ZNF566: variants seen among roughly 807,000 people sequenced by gnomAD.
The protein encoded by ZNF566 is zinc finger protein 566.
A neutral mutation model predicts 32.8 loss-of-function variants in ZNF566; 27 were observed. The ratio of observed to expected loss-of-function variants is 0.82; its 90% CI spans 0.61 to 1.14. ZNF566 has a LOEUF of 1.14. Ranked by LOEUF, ZNF566 falls within the 50% of genes most tolerant of loss-of-function variation. The pLI is 0.00. For synonymous variants in ZNF566, 154 were observed against 159.5 expected (o/e 0.97, Z 0.26); for missense variants, 402 against 490.4 (o/e 0.82, Z 1.70).
chr19:36,486,433 AG>A (rs1213901815), intron 1 of ZNF566, among the ~76,000 whole-genome samples: 12 of 152,164 alleles, frequency 7.9e-5, no homozygotes, highest in Non-Finnish European at 1.2e-4. Context: ...GCACTTTGGG[AG>A]GACAAGGCAG....
intron 1 of ZNF566, among the ~76,000 whole-genome samples, chr19:36,482,388 A>G (rs190557665): frequency 8.2e-4 from 121 of 148,088 alleles, no homozygotes; most frequent in Non-Finnish European, 1.5e-3. Flanking sequence ...TACAGGAGTG[A>G]GCCACTGTCC....
intron 4 of ZNF566, among the ~76,000 whole-genome samples, chr19:36,462,773 C>T (rs566211381): frequency 1.3e-4 from 20 of 150,988 alleles, no homozygotes; most frequent in East Asian, 3.9e-4. Context: ...CTGGCTAACG[C>T]GGTGAAACCC....
chr19:36,469,728 G>GT (rs1297446831), intron 4 of ZNF566, among the ~76,000 whole-genome samples: 2 of 152,084 alleles, frequency 1.3e-5, no homozygotes, highest in Non-Finnish European at 2.9e-5. Flanking sequence ...ACCAAACACT[G>GT]TGAGTGTCTG....
chr19:36,450,650 G>GATAA (rs3085977), intron 4 of ZNF566, among the ~76,000 whole-genome samples: 5,814 of 151,816 alleles, frequency 0.038, 271 homozygotes, highest in African/African-American at 0.11. Flanking sequence ...TCAATAGATA[G>GATAA]ATAAATAAAT....
rs117217578 is a variant in ZNF566, at chr19:36,489,189, C to A, written c.-60+297G>T. 7.6e-4 allele frequency among the ~76,000 whole-genome samples: 115 copies of A among 152,250 alleles called. 1 individual carries two copies. The East Asian group carries it at 0.021, about 28-fold the overall frequency. ...AGTCGCACACCACTACGGGGACAAACGCAGTAACACTCAACCAGGCACAAG... is the reference window on the plus strand; with the variant it reads ...AGTCGCACACCACTACGGGGACAAAAGCAGTAACACTCAACCAGGCACAAG... On this transcript the variant is annotated intron_variant, in intron 1 of 4. Coordinates refer to ENST00000452939, the MANE Select transcript of ZNF566 (RefSeq NM_001145344.1).
chr19:36,472,823 G>T, intron 4 of ZNF566, 88 bp downstream of exon 4: 1 of 1,065,358 alleles, frequency 9.4e-7, no homozygotes, highest in Non-Finnish European at 1.4e-6. Flanking sequence ...CAGGCCAAAA[G>T]CCTGTGAGGA....
At chr19:36,470,341 C>T (rs1186783031) in intron 4 of ZNF566, among the ~76,000 whole-genome samples, 2 of 152,160 alleles carry the variant, frequency 1.3e-5, no homozygotes, top group Non-Finnish European at 2.9e-5. Flanking sequence ...AATCTACTTT[C>T]CCCATTTCAG....
At chr19:36,469,719 C>T (rs1358150583) in intron 4 of ZNF566, among the ~76,000 whole-genome samples, 1 of 152,036 alleles carries the variant, frequency 6.6e-6, no homozygotes, top group Admixed American at 6.5e-5. Context: ...ATGAATACTA[C>T]CAAACACTGT....
intron 1 of ZNF566, among the ~76,000 whole-genome samples, chr19:36,479,782 G>A (rs147817043): frequency 4.6e-5 from 7 of 152,298 alleles, no homozygotes; most frequent in South Asian, 4.1e-4. Context: ...GTAGAAGCAC[G>A]CCATCAAGTC....
chr19:36,450,190 A>G (rs543388154), intron 4 of ZNF566, among the ~76,000 whole-genome samples, 189 bp from the exon 5 acceptor site: 126 of 152,196 alleles, frequency 8.3e-4, no homozygotes, highest in Admixed American at 1.7e-3. Context: ...TGGTTCCCAA[A>G]CATTGCTATA....
intron 1 of ZNF566, among the ~76,000 whole-genome samples, chr19:36,485,062 A>G (rs181528437): frequency 2.0e-4 from 30 of 152,220 alleles, no homozygotes; most frequent in Admixed American, 3.3e-4. Context: ...TGACACATTG[A>G]GAAGAGTTCA....
chr19:36,463,482 A>T (rs2033531253), intron 4 of ZNF566, among the ~76,000 whole-genome samples: 1 of 151,942 alleles, frequency 6.6e-6, no homozygotes, highest in South Asian at 2.1e-4. Context: ...AACATGATTT[A>T]ACGTAATAAA....
intron 4 of ZNF566, chr19:36,456,530 G>T (rs8110140): frequency 0.18 from 27,097 of 149,102 alleles, 2,666 homozygotes; most frequent in Non-Finnish European, 0.23. Context: ...TCCAGCATGA[G>T]CAACAGAGTG....
chr19:36,472,762 A>G (rs2033796806), intron 4 of ZNF566, 149 bp downstream of exon 4: 2 of 607,430 alleles, frequency 3.3e-6, no homozygotes, highest in South Asian at 5.0e-5. Context: ...GTAAAGGGGA[A>G]AGGTAGGATC....
chr19:36,471,575 G>C (rs1255307244), intron 4 of ZNF566, among the ~76,000 whole-genome samples: 1 of 152,094 alleles, frequency 6.6e-6, no homozygotes, highest in East Asian at 1.9e-4. Flanking sequence ...CATTTAGTAA[G>C]ATATGGTAAA....
chr19:36,479,292 G>C (rs891217187), intron 1 of ZNF566, among the ~76,000 whole-genome samples: 2 of 151,826 alleles, frequency 1.3e-5, no homozygotes, highest in African/African-American at 4.9e-5. Flanking sequence ...TGGTAGGAAA[G>C]AAAGAAAACT....
chr19:36,474,858 A>C (rs966013309), intron 2 of ZNF566, among the ~76,000 whole-genome samples: 1 of 152,238 alleles, frequency 6.6e-6, no homozygotes, highest in Non-Finnish European at 1.5e-5. Context: ...CTATTCTATT[A>C]TAAGGCTATA....
chr19:36,474,061 A>T (rs1434790283), intron 2 of ZNF566, among the ~76,000 whole-genome samples: 1 of 152,224 alleles, frequency 6.6e-6, no homozygotes, highest in East Asian at 1.9e-4. Context: ...TTGAGAAAAG[A>T]CATTTGTAGA....
At chr19:36,485,637 G>T (rs1600185016) in intron 1 of ZNF566, among the ~76,000 whole-genome samples, 1 of 151,084 alleles carries the variant, frequency 6.6e-6, no homozygotes, top group African/African-American at 2.4e-5. Flanking sequence ...TGGCAGGTGC[G>T]TGTAATCCCA....
Sources: gnomAD v4.1 joint callset for allele counts (sites outside exome capture counted in the v4.1 genomes callset) on GRCh38, gnomAD v4.1.1 for gene constraint, MANE v1.5 for transcripts, NCBI Gene and HGNC (gene_info 2026-07-23, HGNC 2026-07-21) for gene names.